Variants in ELAPOR1 observed in about 807,000 individuals in gnomAD.
The protein encoded by ELAPOR1 is endosome/lysosome-associated apoptosis and autophagy regulator 1.
In ELAPOR1, 77 loss-of-function variants were observed where a neutral mutation model predicts 119.7. The observed-to-expected ratio is 0.64, with a 90% CI of 0.54 to 0.78. The LOEUF (loss-of-function observed/expected upper bound fraction) is 0.78, where lower values mean the gene tolerates loss of function less well. Ranked by LOEUF, ELAPOR1 falls within the 30% of genes least tolerant of loss-of-function variation. The pLI, the probability that ELAPOR1 is intolerant of heterozygous loss-of-function variation, is 0.00. For synonymous variants in ELAPOR1, 481 were observed against 487.2 expected, an observed-to-expected ratio of 0.99 and a Z score of 0.17; for missense variants, 1,115 against 1,270.4, an observed-to-expected ratio of 0.88 and a Z score of 1.86.
chr1:109,186,255 G>C (rs535113994), intron 8 of ELAPOR1, among the ~76,000 whole-genome samples: 1 of 152,226 alleles, frequency 6.6e-6, no homozygotes, highest in South Asian at 2.1e-4. Flanking sequence ...AGCTGGGCCA[G>C]GTGGGTGGAG....
intron 15 of ELAPOR1, among the ~76,000 whole-genome samples, chr1:109,196,955 A>G (rs995394666): frequency 1.3e-5 from 2 of 152,168 alleles, no homozygotes; most frequent in Non-Finnish European, 2.9e-5. Flanking sequence ...TGCTGGGATT[A>G]CAGGTGTGAG....
At chr1:109,162,102 G>C (rs1429697474) in intron 2 of ELAPOR1, 88 bp downstream of exon 2, 2 of 1,431,046 alleles carry the variant, frequency 1.4e-6, no homozygotes, top group South Asian at 2.6e-5. Flanking sequence ...GGCCCTTCCT[G>C]GCAGAGCAGC....
intron 1 of ELAPOR1, among the ~76,000 whole-genome samples, chr1:109,127,371 T>C (rs897110885): frequency 6.6e-6 from 1 of 151,680 alleles, no homozygotes; most frequent in Non-Finnish European, 1.5e-5. Context: ...CACGCCACCA[T>C]GCCTGACTAA....
intron 1 of ELAPOR1, among the ~76,000 whole-genome samples, chr1:109,120,473 C>T (rs191532131): frequency 2.6e-4 from 39 of 152,252 alleles, no homozygotes; most frequent in Middle Eastern, 6.8e-3. Context: ...TATGAGGACA[C>T]GTAGACAGCA....
At chr1:109,177,399 C>T (rs112427817) in intron 7 of ELAPOR1, among the ~76,000 whole-genome samples, 12,731 of 75,782 alleles carry the variant, frequency 0.17, 851 homozygotes, top group African/African-American at 0.24. Context: ...CGGGCAGAGA[C>T]GCTCCTCACA....
At chr1:109,132,046 T>A (rs1432457368) in intron 1 of ELAPOR1, among the ~76,000 whole-genome samples, 1 of 152,220 alleles carries the variant, frequency 6.6e-6, no homozygotes, top group Non-Finnish European at 1.5e-5. Context: ...GGGAGTGATA[T>A]GCTTAGATAC....
intron 4 of ELAPOR1, 76 bp downstream of exon 4, chr1:109,172,089 A>T: frequency 6.6e-7 from 1 of 1,524,216 alleles, no homozygotes; most frequent in South Asian, 1.1e-5. Context: ...GGAATCCATC[A>T]TGAGTGTAGC....
intron 1 of ELAPOR1, among the ~76,000 whole-genome samples, chr1:109,118,899 T>TC (rs1648200417): frequency 7.3e-6 from 1 of 136,276 alleles, no homozygotes; most frequent in South Asian, 2.2e-4. Context: ...ATTTGGTTCT[T>TC]CTTTTTTTTT....
chr1:109,118,495 A>G lies in ELAPOR1; in HGVS notation c.153+4159A>G, dbSNP rs573554080. Among the ~76,000 whole-genome samples, 17 of 152,310 alleles carry G rather than the reference A, an allele frequency of 1.1e-4. No homozygotes were observed. In the South Asian group the frequency reaches 3.5e-3, roughly 32 times the overall value. On this transcript the variant is annotated intron_variant, in intron 1 of 21. Transcript: ENST00000369939. ...TGGGCCAACAGATGAGAGCAGAGAGATGAGGCAAGGAGACCAATACTGAAG... is the reference window on the plus strand; with the variant it reads ...TGGGCCAACAGATGAGAGCAGAGAGGTGAGGCAAGGAGACCAATACTGAAG...
chr1:109,144,061 A>ATATATATATATATATTTTTT, intron 1 of ELAPOR1, among the ~76,000 whole-genome samples: 2 of 89,016 alleles, frequency 2.2e-5, no homozygotes, highest in African/African-American at 9.6e-5. Flanking sequence ...ATATTTATAT[A>ATATATATATATATATTTTTT]TTTTTTTTTT....
At position 109,124,366 on chromosome 1, in the gene ELAPOR1, G is replaced by A. The variant is rs542123142; in HGVS notation, c.153+10030G>A. On this transcript the variant is annotated intron_variant, in intron 1 of 21. Transcript: ENST00000369939. The stretch of plus-strand genomic sequence containing the variant: ...CTGCCTCGGCCTCCCAAGTAGCTGG[G>A]GCTGCAGGCTTGTGCCACCACATCT... Among the ~76,000 whole-genome samples the A allele has an allele frequency of 3.1e-3, 474 of 152,156 alleles. 3 individuals carry two copies. Among genetic ancestry groups the A allele is most frequent in the Non-Finnish European group, 3.6e-3 (243 of 67,998 alleles).
chr1:109,164,787 C>T, intron 3 of ELAPOR1, 96 bp downstream of exon 3: 1 of 1,240,812 alleles, frequency 8.1e-7, no homozygotes, highest in Non-Finnish European at 1.1e-6. Context: ...TCAGGCTGGG[C>T]AGGGAGGATG....
intron 18 of ELAPOR1, among the ~76,000 whole-genome samples, chr1:109,199,135 G>C (rs887752839): frequency 2.0e-5 from 3 of 152,170 alleles, no homozygotes; most frequent in Non-Finnish European, 4.4e-5. Context: ...ATTAGTAAAG[G>C]TTTAGGGATC....
intron 1 of ELAPOR1, among the ~76,000 whole-genome samples, chr1:109,158,179 C>T (rs902319286): frequency 9.2e-5 from 14 of 152,100 alleles, no homozygotes; most frequent in Admixed American, 2.6e-4. Flanking sequence ...TGAGCCACTG[C>T]GTCTGGCCTC....
chr1:109,192,585 C>T, intron 13 of ELAPOR1, 26 bp from the exon 14 acceptor site: 2 of 1,611,836 alleles, frequency 1.2e-6, no homozygotes, highest in Non-Finnish European at 1.7e-6. Flanking sequence ...CCTCTCCCCT[C>T]TCCCCTCTTG....
chr1:109,183,328 CAAAAA>C (rs67807553), intron 7 of ELAPOR1, among the ~76,000 whole-genome samples: 2 of 29,446 alleles, frequency 6.8e-5, no homozygotes, highest in South Asian at 1.5e-3. Flanking sequence ...CTGTCTCTAC[CAAAAA>C]AAAAAAAAAA....
intron 1 of ELAPOR1, among the ~76,000 whole-genome samples, chr1:109,131,471 T>C (rs1649144604): frequency 6.6e-6 from 1 of 152,150 alleles, no homozygotes; most frequent in South Asian, 2.1e-4. Context: ...GTTGGTCTAG[T>C]TTCCGGCAGT....
At chr1:109,191,071 G>C (rs1301847036) in intron 11 of ELAPOR1, among the ~76,000 whole-genome samples, 2 of 152,262 alleles carry the variant, frequency 1.3e-5, no homozygotes, top group Non-Finnish European at 2.9e-5. Context: ...CTGCTAGTGA[G>C]GTGATACAGC....
Position 109,203,417 on chromosome 1 carries a change from A to G in ELAPOR1, c.*405A>G. The G allele has an allele frequency of 4.8e-6, 1 of 209,144 alleles. No homozygotes were observed. The highest frequency in any genetic ancestry group is 7.3e-5 in the South Asian group (1 of 13,694). 13.0% of individuals were successfully genotyped at this position (209,144 alleles called of 1,614,324 possible). A position where few individuals can be genotyped will look rare whatever the true frequency, so the allele number is the denominator to read the frequency against. On this transcript the variant is annotated 3_prime_UTR_variant, in exon 22 of 22. Coordinates refer to ENST00000369939, the MANE Select transcript of ELAPOR1 (RefSeq NM_020775.5). The stretch of plus-strand genomic sequence containing the variant: ...AGTTTTCCTCGCATGCCCTCAGCTC[A>G]TGATCTCTTCAGGAGAGAGGCTGGG...
Sources: allele counts gnomAD v4.1 joint callset (sites outside exome capture counted in the v4.1 genomes callset), GRCh38; gene constraint gnomAD v4.1.1; transcripts MANE v1.5; gene names NCBI Gene and HGNC (gene_info 2026-07-23, HGNC 2026-07-21).